CIB4: variants seen among roughly 807,000 people sequenced by gnomAD.
CIB4 encodes the protein calcium and integrin-binding family member 4.
In CIB4, 25 loss-of-function variants were observed where a neutral mutation model predicts 25.8. The ratio of observed to expected loss-of-function variants is 0.97; its 90% CI spans 0.71 to 1.35. The LOEUF (loss-of-function observed/expected upper bound fraction) is 1.35, where lower values mean the gene tolerates loss of function less well. Ranked by LOEUF, CIB4 falls within the 40% of genes most tolerant of loss-of-function variation. The probability of loss-of-function intolerance (pLI) is 0.00; values close to 1 mark genes in which losing one functional copy is unlikely to be tolerated. For synonymous variants in CIB4, 75 were observed against 81.4 expected, an observed-to-expected ratio of 0.92 and a Z score of 0.42; for missense variants, 235 against 228.2, an observed-to-expected ratio of 1.03 and a Z score of -0.19.
intron 2 of CIB4, among the ~76,000 whole-genome samples, chr2:26,636,118 G>A (rs1308702030): frequency 6.6e-6 from 1 of 151,978 alleles, no homozygotes; most frequent in African/African-American, 2.4e-5. Context: ...ACTATCTTGT[G>A]ACCTCTTAGT....
At chr2:26,618,667 G>C (rs533023072) in intron 3 of CIB4, among the ~76,000 whole-genome samples, 2 of 152,300 alleles carry the variant, frequency 1.3e-5, no homozygotes, top group Middle Eastern at 3.4e-3. Flanking sequence ...GGGCCTGGGG[G>C]TCCAGTCGGA....
intron 3 of CIB4, among the ~76,000 whole-genome samples, chr2:26,622,704 C>T (rs1406179652): frequency 6.6e-6 from 1 of 152,036 alleles, no homozygotes; most frequent in Admixed American, 6.6e-5. Context: ...AAAAAAAGGC[C>T]AGGTGAGGTG....
rs72800412 is a variant in CIB4, at chr2:26,638,486, G to A, written c.89+2047C>T. Reference sequence around the variant, plus strand: ...TTCCCATACTCCTCTCACTCCTCTCGTCCACCACCCCATGCTCTCTCCTGG... The same window carrying A: ...TTCCCATACTCCTCTCACTCCTCTCATCCACCACCCCATGCTCTCTCCTGG... On this transcript the variant is annotated intron_variant, in intron 2 of 6. Transcript: ENST00000288861. 4.4e-3 allele frequency among the ~76,000 whole-genome samples: 670 copies of A among 152,156 alleles called. 2 individuals are homozygous for A. Among genetic ancestry groups the A allele is most frequent in the Non-Finnish European group, 7.4e-3 (502 of 68,018 alleles).
chr2:26,629,516 G>T lies in CIB4; in HGVS notation c.90-10C>A. 6.5e-7 allele frequency: 1 copy of T among 1,543,274 alleles called. No individual in the cohort carries two copies. ...GAAGGTGTCATGGATGCTGAAAAGA[G>T]AGGCATGAAGACCGTGTGGCCGGGG... On this transcript the variant is annotated splice_polypyrimidine_tract_variant and intron_variant, in intron 2 of 6. Transcript: ENST00000288861.
At chr2:26,610,249 T>C (rs1168128700) in intron 3 of CIB4, among the ~76,000 whole-genome samples, 1 of 152,176 alleles carries the variant, frequency 6.6e-6, no homozygotes, top group African/African-American at 2.4e-5. Context: ...AAGATAACAG[T>C]TCCTCTTTTA....
chr2:26,584,279 C>T (rs545232196), intron 4 of CIB4, among the ~76,000 whole-genome samples: 36 of 152,156 alleles, frequency 2.4e-4, no homozygotes, highest in African/African-American at 3.6e-4. Context: ...GGCTGACCTC[C>T]GAGCCCCATA....
intron 3 of CIB4, among the ~76,000 whole-genome samples, chr2:26,614,105 G>A (rs1669048449): frequency 6.6e-6 from 1 of 152,236 alleles, no homozygotes; most frequent in Non-Finnish European, 1.5e-5. Flanking sequence ...ACCTCATTAG[G>A]AGGCCCGAAG....
At chr2:26,600,582 C>T (rs1376347892) in intron 3 of CIB4, among the ~76,000 whole-genome samples, 1 of 152,082 alleles carries the variant, frequency 6.6e-6, no homozygotes, top group Non-Finnish European at 1.5e-5. Flanking sequence ...CCTCAGTTTA[C>T]CTGAAGCACC....
rs1336470087 is a variant in CIB4, at chr2:26,588,939, G to A, written c.329-5041C>T. Among the ~76,000 whole-genome samples the A allele has an allele frequency of 2.0e-5, 3 of 152,068 alleles. 1 individual carries two copies. In the South Asian group the frequency reaches 6.2e-4, roughly 32 times the overall value. Reference sequence around the variant, plus strand: ...AGTAGGTAAGCTCCAGGGAGGTGTGGCTGTCCCTGCTGGCTGCTGCCGCTG... The same window carrying A: ...AGTAGGTAAGCTCCAGGGAGGTGTGACTGTCCCTGCTGGCTGCTGCCGCTG... On this transcript the variant is annotated intron_variant, in intron 4 of 6. Transcript: ENST00000288861.
intron 2 of CIB4, among the ~76,000 whole-genome samples, chr2:26,630,313 T>C (rs922011002): frequency 6.6e-6 from 1 of 152,116 alleles, no homozygotes; most frequent in African/African-American, 2.4e-5. Context: ...GGCCTACAGG[T>C]CCAGCACCCA....
At chr2:26,593,955 G>T (rs1030874160) in intron 4 of CIB4, among the ~76,000 whole-genome samples, 1 of 152,136 alleles carries the variant, frequency 6.6e-6, no homozygotes, top group African/African-American at 2.4e-5. Flanking sequence ...GGCTGTGTGT[G>T]CCCCAAACTC....
chr2:26,615,501 A>G (rs1486908085), intron 3 of CIB4, among the ~76,000 whole-genome samples: 2 of 152,180 alleles, frequency 1.3e-5, no homozygotes, highest in East Asian at 3.9e-4. Context: ...TCCAGGTAGA[A>G]AGTTGAGGCC....
chr2:26,606,891 C>T (rs995865375), intron 3 of CIB4, among the ~76,000 whole-genome samples: 1 of 152,076 alleles, frequency 6.6e-6, no homozygotes, highest in Admixed American at 6.5e-5. Context: ...TGTGTCCTGC[C>T]GGCAGCTGGA....
Position 26,581,231 on chromosome 2 carries a change from A to G in CIB4, c.*132T>C. On this transcript the variant is annotated 3_prime_UTR_variant, in exon 7 of 7. Transcript: ENST00000288861. Reference sequence around the variant, plus strand: ...AAGGAAAAGCTTTTTCTTTTATCTAATAAACAATATTCTAGAGGTGAGTGT... The same window carrying G: ...AAGGAAAAGCTTTTTCTTTTATCTAGTAAACAATATTCTAGAGGTGAGTGT... The G allele has an allele frequency of 4.2e-6, 3 of 715,130 alleles. No individual in the cohort carries two copies. In the East Asian group the frequency reaches 7.8e-5, roughly 19 times the overall value. The allele number at this position is 715,130 out of a possible 1,614,324, so 44.3% of individuals were successfully genotyped here.
At chr2:26,603,514 T>C (rs1354151428) in intron 3 of CIB4, among the ~76,000 whole-genome samples, 1 of 152,158 alleles carries the variant, frequency 6.6e-6, no homozygotes, top group Non-Finnish European at 1.5e-5. Flanking sequence ...TACTAAATCT[T>C]AAAAGCTGGA....
chr2:26,602,621 T>A (rs542919860), intron 3 of CIB4, among the ~76,000 whole-genome samples: 5 of 152,212 alleles, frequency 3.3e-5, no homozygotes, highest in African/African-American at 7.2e-5. Context: ...TGGGTTAGTA[T>A]ACATACCTAT....
intron 2 of CIB4, among the ~76,000 whole-genome samples, chr2:26,637,436 CTTT>C (rs1669554896): frequency 6.6e-6 from 1 of 151,620 alleles, no homozygotes; most frequent in Admixed American, 6.6e-5. Context: ...CTTTCTTCTT[CTTT>C]TTGTTTTTTT....
Position 26,627,970 on chromosome 2 carries a change from C to T in CIB4, c.186+1440G>A, listed in dbSNP as rs1283231976. The stretch of plus-strand genomic sequence containing the variant: ...AGCCAGCCTCCTCCTCCCTGGTATC[C>T]CCAGGCCTCTTCCAAGTGGTGGCCA... On this transcript the variant is annotated intron_variant, in intron 3 of 6. Transcript: ENST00000288861. This position sits in a 1 kb window ranked among gnomAD's most constrained non-coding sequence, Gnocchi z 4.0. Among the ~76,000 whole-genome samples, 2 of 152,156 alleles carry T rather than the reference C, an allele frequency of 1.3e-5. No individual in the cohort carries two copies. The highest frequency in any genetic ancestry group is 2.9e-5 in the Non-Finnish European group (2 of 68,034).
Position 26,622,141 on chromosome 2 carries a change from G to A in CIB4, c.186+7269C>T, listed in dbSNP as rs191301855. 8.2e-3 allele frequency among the ~76,000 whole-genome samples: 1,240 copies of A among 151,774 alleles called. 18 individuals are homozygous for A. Among genetic ancestry groups the A allele is most frequent in the South Asian group, 0.012 (56 of 4,780 alleles). On this transcript the variant is annotated intron_variant, in intron 3 of 6. Transcript: ENST00000288861. ...TTTGGGAGGCCGAGGCGGGTGGATC[G>A]CCTGAGGTCAGGAGTTCGAGACCAG... is the stretch of plus-strand genomic sequence containing the variant.
Sources: allele counts gnomAD v4.1 joint callset (sites outside exome capture counted in the v4.1 genomes callset), GRCh38; gene constraint gnomAD v4.1.1; non-coding constraint Gnocchi (gnomAD v3.1); transcripts MANE v1.5; gene names NCBI Gene and HGNC (gene_info 2026-07-23, HGNC 2026-07-21).